Variants in GPC6 observed in about 807,000 individuals in gnomAD.
GPC6 encodes the protein glypican 6.
In GPC6, 14 loss-of-function variants were observed where a neutral mutation model predicts 55.2. The observed-to-expected ratio is 0.25, with a 90% CI of 0.17 to 0.40. GPC6 has a LOEUF of 0.40. Among genes scored for constraint, GPC6 ranks in the 10% least tolerant of loss-of-function variants. The pLI, the probability that GPC6 is intolerant of heterozygous loss-of-function variation, is 1.00. For synonymous variants in GPC6, 278 were observed against 259.6 expected (o/e 1.07, Z -0.68); for missense variants, 641 against 708.5 (o/e 0.90, Z 1.08).
chr13:94,030,199 C>T (rs1379779315), intron 4 of GPC6, among the ~76,000 whole-genome samples: 1 of 151,976 alleles, frequency 6.6e-6, no homozygotes, highest in African/African-American at 2.4e-5. Flanking sequence ...TTAGTAGAGA[C>T]GGGTTTTCAC....
chr13:93,245,626 G>A (rs1421731355), intron 1 of GPC6, among the ~76,000 whole-genome samples: 2 of 152,114 alleles, frequency 1.3e-5, no homozygotes, highest in African/African-American at 4.8e-5. Flanking sequence ...AGTCTCTGGG[G>A]CTCATACTCT....
intron 4 of GPC6, among the ~76,000 whole-genome samples, chr13:94,140,309 G>C (rs2138879353): frequency 6.6e-6 from 1 of 152,260 alleles, no homozygotes; most frequent in Middle Eastern, 3.4e-3. Flanking sequence ...GTTTTAATTT[G>C]AATTAGTAAA....
intron 1 of GPC6, among the ~76,000 whole-genome samples, chr13:93,473,555 A>T (rs954149164): frequency 3.3e-5 from 5 of 152,208 alleles, no homozygotes; most frequent in African/African-American, 1.2e-4. Flanking sequence ...GGACCTGCAC[A>T]TGGGAAGGCA....
intron 1 of GPC6, among the ~76,000 whole-genome samples, chr13:93,266,991 G>T (rs943819833): frequency 1.3e-5 from 2 of 152,126 alleles, no homozygotes; most frequent in African/African-American, 4.8e-5. Context: ...ATTATAAACA[G>T]ACTATAACAC....
At chr13:93,325,190 G>A (rs1205796460) in intron 1 of GPC6, among the ~76,000 whole-genome samples, 2 of 152,066 alleles carry the variant, frequency 1.3e-5, no homozygotes, top group Non-Finnish European at 2.9e-5. Context: ...TTTCTAGCCA[G>A]TTAGTCCCCA....
intron 1 of GPC6, among the ~76,000 whole-genome samples, chr13:93,500,254 A>T (rs536902649): frequency 1.1e-4 from 17 of 152,298 alleles, no homozygotes; most frequent in Admixed American, 7.2e-4. Flanking sequence ...GGACTAACGG[A>T]TTTATCTGAT....
At chr13:93,678,481 T>A (rs1340279552) in intron 2 of GPC6, among the ~76,000 whole-genome samples, 1 of 152,198 alleles carries the variant, frequency 6.6e-6, no homozygotes, top group Non-Finnish European at 1.5e-5. Context: ...CATGTCTGAA[T>A]GTAACTAAGT....
chr13:93,732,435 A>G (rs2138838082), intron 2 of GPC6, among the ~76,000 whole-genome samples: 1 of 152,232 alleles, frequency 6.6e-6, no homozygotes, highest in African/African-American at 2.4e-5. Context: ...GACCCCTGGG[A>G]GCGCTGAAAT....
At chr13:94,305,258 G>A (rs1189102461) in intron 5 of GPC6, among the ~76,000 whole-genome samples, 1 of 152,104 alleles carries the variant, frequency 6.6e-6, no homozygotes, top group Non-Finnish European at 1.5e-5. Context: ...CAAGCCACTG[G>A]GCACAACAGT....
intron 2 of GPC6, among the ~76,000 whole-genome samples, chr13:93,707,449 G>A (rs983205258): frequency 6.6e-6 from 1 of 151,708 alleles, no homozygotes; most frequent in South Asian, 2.1e-4. Flanking sequence ...GGTGAAGATA[G>A]TGTTTCAAGA....
rs540721663 is a variant in GPC6 at position 93,532,799 on chromosome 13, G to A, written c.161-12464G>A. 3.9e-5 allele frequency among the ~76,000 whole-genome samples: 6 copies of A among 152,282 alleles called. No homozygotes were observed. In the East Asian group the frequency reaches 9.6e-4, roughly 24 times the overall value. On this transcript the variant is annotated intron_variant, in intron 1 of 8. Coordinates refer to ENST00000377047, the MANE Select transcript of GPC6 (RefSeq NM_005708.5). ...TCTTCTGTGTCATCTAGAGTAGCATGTTTAAATTCTCTCTGCATAACCATT... is the reference window on the plus strand; with the variant it reads ...TCTTCTGTGTCATCTAGAGTAGCATATTTAAATTCTCTCTGCATAACCATT...
chr13:93,269,206 T>C (rs1004705283), intron 1 of GPC6, among the ~76,000 whole-genome samples: 1 of 152,198 alleles, frequency 6.6e-6, no homozygotes, highest in African/African-American at 2.4e-5. Flanking sequence ...ATGTACTCGA[T>C]GAAAAGTTTG....
At chr13:93,394,182 C>A (rs1207311682) in intron 1 of GPC6, among the ~76,000 whole-genome samples, 1 of 152,130 alleles carries the variant, frequency 6.6e-6, no homozygotes, top group Non-Finnish European at 1.5e-5. Flanking sequence ...ATATCATTTT[C>A]TTTCTTGTAT....
chr13:94,149,324 T>G (rs144672727), intron 4 of GPC6, among the ~76,000 whole-genome samples: 298 of 152,258 alleles, frequency 2.0e-3, no homozygotes, highest in Middle Eastern at 0.01. Flanking sequence ...TCAGATGGCC[T>G]GCTTGTCCCC....
Position 93,564,908 on chromosome 13 carries a change from A to G in GPC6, c.319+19487A>G, listed in dbSNP as rs61964250. Among the ~76,000 whole-genome samples, 1,047 of 152,286 alleles carry G rather than the reference A, an allele frequency of 6.9e-3. 4 individuals are homozygous for G. Among genetic ancestry groups the G allele is most frequent in the Admixed American group, 0.011 (168 of 15,294 alleles). ...TCTGCTGTTGTTTTAAATATTTACAAATTTCCCTATCCTTTTCTGTGCCGT... is the reference window on the plus strand; with the variant it reads ...TCTGCTGTTGTTTTAAATATTTACAGATTTCCCTATCCTTTTCTGTGCCGT... On this transcript the variant is annotated intron_variant, in intron 2 of 8. Transcript: ENST00000377047.
chr13:94,347,576 C>T (rs1878353962), intron 6 of GPC6, among the ~76,000 whole-genome samples: 1 of 152,102 alleles, frequency 6.6e-6, no homozygotes, highest in South Asian at 2.1e-4. Flanking sequence ...TTTTTTAAAT[C>T]ACCTATAGAC....
chr13:93,837,303 G>GA (rs1887773932), intron 3 of GPC6, among the ~76,000 whole-genome samples: 1 of 152,158 alleles, frequency 6.6e-6, no homozygotes, highest in South Asian at 2.1e-4. Context: ...TATTCATATT[G>GA]AAAGAAGTTA....
At chr13:93,814,468 A>C (rs1886787728) in intron 2 of GPC6, among the ~76,000 whole-genome samples, 1 of 152,182 alleles carries the variant, frequency 6.6e-6, no homozygotes, top group Admixed American at 6.5e-5. Context: ...TGAGTACATT[A>C]GGTATGACTT....
chr13:93,511,486 A>C (rs995804575), intron 1 of GPC6, among the ~76,000 whole-genome samples: 5 of 151,832 alleles, frequency 3.3e-5, no homozygotes, highest in African/African-American at 1.2e-4. Flanking sequence ...AGTTGGCTCT[A>C]AATATGTGGC....
Sources: allele counts gnomAD v4.1 joint callset (sites outside exome capture counted in the v4.1 genomes callset), GRCh38; gene constraint gnomAD v4.1.1; transcripts MANE v1.5; gene names NCBI Gene and HGNC (gene_info 2026-07-23, HGNC 2026-07-21).